Variants in JHY observed in about 807,000 individuals in gnomAD.
JHY encodes junctional cadherin complex regulator.
Under a neutral mutation model 78.0 loss-of-function variants are expected in JHY, and 69 were observed. That is an observed-to-expected ratio of 0.88 (90% CI 0.73 to 1.08). The LOEUF is 1.08. Ranked by LOEUF, JHY falls within the 50% of genes least tolerant of loss-of-function variation. The pLI is 0.00. For missense variants in JHY, 944 were observed against 927.8 expected, an observed-to-expected ratio of 1.02 and a Z score of -0.23; for synonymous variants, 368 against 342.6, an observed-to-expected ratio of 1.07 and a Z score of -0.82.
chr11:122,892,881 T>C (rs895976348), intron 2 of JHY, among the ~76,000 whole-genome samples: 4 of 152,200 alleles, frequency 2.6e-5, no homozygotes, highest in Non-Finnish European at 5.9e-5. Flanking sequence ...ACTAGACTAC[T>C]GTGTCTCCAT....
At chr11:122,922,958 T>G (rs1407819022) in intron 3 of JHY, among the ~76,000 whole-genome samples, 3 of 152,116 alleles carry the variant, frequency 2.0e-5, no homozygotes, top group Admixed American at 1.3e-4. Flanking sequence ...AAAACGCATG[T>G]AAAGTCCTAA....
intron 6 of JHY, among the ~76,000 whole-genome samples, chr11:122,948,266 A>C (rs1864007707): frequency 6.6e-6 from 1 of 151,902 alleles, no homozygotes. Flanking sequence ...CAACATGGTG[A>C]AACTCCGTCT....
chr11:122,908,801 C>T (rs916528285), intron 3 of JHY, among the ~76,000 whole-genome samples: 8 of 152,124 alleles, frequency 5.3e-5, no homozygotes, highest in African/African-American at 1.4e-4. Context: ...CAGGTTCAAG[C>T]GATTCTCCTG....
At chr11:122,947,457 G>A (rs1863990325) in intron 6 of JHY, 1 of 152,142 alleles carries the variant, frequency 6.6e-6, no homozygotes, top group African/African-American at 2.4e-5. Context: ...AAGTAAAATT[G>A]GGGACCCAAA....
In JHY at chr11:122,934,659, T is replaced by C. The variant is rs1863711541; in HGVS notation, c.1218T>C (p.Asp406=). The change falls in exon 5 of 9, where the codon GAT becomes GAC. Residue 406 remains aspartate, a synonymous_variant. Coordinates refer to ENST00000227349, the MANE Select transcript of JHY (RefSeq NM_024806.4). ...RQQQNQNKPL[D]TSTKPESIVI... ...AACAAAACCAAAATAAGCCTCTTGATACTTCAACAAAGCCTGAATCGATTG... is the reference window on the plus strand; with the variant it reads ...AACAAAACCAAAATAAGCCTCTTGACACTTCAACAAAGCCTGAATCGATTG... 2 of 1,614,176 alleles carry C rather than the reference T, an allele frequency of 1.2e-6. No individual in the cohort carries two copies. Among genetic ancestry groups the C allele is most frequent in the South Asian group, 1.1e-5 (1 of 91,088 alleles).
At chr11:122,901,718 A>G (rs918264515) in intron 2 of JHY, among the ~76,000 whole-genome samples, 1 of 151,604 alleles carries the variant, frequency 6.6e-6, no homozygotes, top group Non-Finnish European at 1.5e-5. Context: ...CTAAAAATAC[A>G]AAAAATTAGC....
At chr11:122,951,380 T>C (rs1342009053) in intron 6 of JHY, among the ~76,000 whole-genome samples, 1 of 152,214 alleles carries the variant, frequency 6.6e-6, no homozygotes, top group Non-Finnish European at 1.5e-5. Flanking sequence ...TGAGCTGAAG[T>C]AATTAACTCA....
intron 3 of JHY, among the ~76,000 whole-genome samples, chr11:122,919,375 A>AAG (rs1863307468): frequency 6.9e-6 from 1 of 144,864 alleles, no homozygotes; most frequent in African/African-American, 2.7e-5. Flanking sequence ...AAAAAAAAAA[A>AAG]AGAAGTGAAG....
chr11:122,900,560 A>G lies in JHY; in HGVS notation c.345-3365A>G, dbSNP rs114471138. ...GGTTAAGACTGGGGGTGCTTTACAA[A>G]TTGAGATTGTCATGGGGAAAAGGGA... On this transcript the variant is annotated intron_variant, in intron 2 of 8. Transcript: ENST00000227349. 1.9e-3 allele frequency among the ~76,000 whole-genome samples: 268 copies of G among 141,936 alleles called. 3 individuals carry two copies. The highest frequency in any genetic ancestry group is 6.9e-3 in the African/African-American group (254 of 36,850). The allele number at this position is 141,936 out of a possible 152,430, so 93.1% of individuals were successfully genotyped here.
chr11:122,894,267 G>A (rs367858442), intron 2 of JHY, among the ~76,000 whole-genome samples: 41 of 151,806 alleles, frequency 2.7e-4, no homozygotes, highest in African/African-American at 9.2e-4. Context: ...AGATCACGCC[G>A]TTGCACTCCA....
At chr11:122,919,840 A>C (rs1279164140) in intron 3 of JHY, among the ~76,000 whole-genome samples, 2 of 152,164 alleles carry the variant, frequency 1.3e-5, no homozygotes, top group Non-Finnish European at 2.9e-5. Context: ...ATAAAAAAAA[A>C]CGTTTCAGTG....
intron 5 of JHY, among the ~76,000 whole-genome samples, chr11:122,938,022 G>A (rs1863793945): frequency 6.6e-6 from 1 of 151,574 alleles, no homozygotes; most frequent in South Asian, 2.1e-4. Context: ...TTTTTTTGTT[G>A]TTGTTTTTTG....
At chr11:122,887,622 A>ATT (rs573244822) in intron 2 of JHY, among the ~76,000 whole-genome samples, 3 of 144,238 alleles carry the variant, frequency 2.1e-5, no homozygotes, top group African/African-American at 2.5e-5. Context: ...TGCCCGGCCG[A>ATT]TTTTTTTTTT....
In JHY at chr11:122,934,863, C is replaced by G; in HGVS notation, c.1422C>G (p.Asp474Glu). 6.2e-7 allele frequency: 1 copy of G among 1,613,874 alleles called. No homozygotes were observed. Among genetic ancestry groups the G allele is most frequent in the Non-Finnish European group, 8.5e-7 (1 of 1,179,950 alleles). ...LNVNKERGHKDQEEKRFSYQQ... is the reference protein window; with the variant it reads ...LNVNKERGHKEQEEKRFSYQQ... ...TTAATAAAGAAAGAGGACACAAAGA[C>G]CAAGAAGAGAAAAGATTTTCATATC... The change falls in exon 5 of 9, where the codon GAC (aspartate) becomes GAG (glutamate). Residue 474 changes from aspartate (D) to glutamate (E), a missense_variant. By Grantham distance (45) the Asp-to-Glu change is conservative (BLOSUM62 2). Coordinates refer to ENST00000227349, the MANE Select transcript of JHY (RefSeq NM_024806.4).
chr11:122,956,161 A>AT (rs1170469658), intron 6 of JHY, among the ~76,000 whole-genome samples: 6 of 152,014 alleles, frequency 3.9e-5, no homozygotes, highest in Non-Finnish European at 7.4e-5. Flanking sequence ...ATCTCCAAAA[A>AT]AAAAAAAATA....
chr11:122,957,464 A>G lies in JHY; in HGVS notation c.2112A>G (p.Gln704=). The G allele has an allele frequency of 1.3e-6, 2 of 1,539,650 alleles. No homozygotes were observed. Among genetic ancestry groups the G allele is most frequent in the Middle Eastern group, 1.7e-4 (1 of 5,918 alleles). ...CAAAACCACAAACAGAAAAAACTCAAAAGAAATCTGCTATCCCTCGGCAGA... is the reference window on the plus strand; with the variant it reads ...CAAAACCACAAACAGAAAAAACTCAGAAGAAATCTGCTATCCCTCGGCAGA... ...ILSKPQTEKT[Q]KKSAIPRQKA... Residue 704 remains glutamine (Q), a synonymous_variant, in exon 8 of 9, where the codon CAA becomes CAG. Coordinates refer to ENST00000227349, the MANE Select transcript of JHY (RefSeq NM_024806.4).
At chr11:122,942,699 C>T (rs916079673) in intron 5 of JHY, among the ~76,000 whole-genome samples, 3 of 152,204 alleles carry the variant, frequency 2.0e-5, no homozygotes, top group Admixed American at 6.5e-5. Flanking sequence ...GCTCAGATTA[C>T]AGGCATGAGC....
At chr11:122,894,002 A>G (rs905780890) in intron 2 of JHY, among the ~76,000 whole-genome samples, 1 of 151,258 alleles carries the variant, frequency 6.6e-6, no homozygotes, top group African/African-American at 2.4e-5. Flanking sequence ...TACAATTTTA[A>G]TGCTGCTAAA....
At chr11:122,926,992 G>A (rs1863522561) in intron 4 of JHY, 1 of 152,218 alleles carries the variant, frequency 6.6e-6, no homozygotes, top group Non-Finnish European at 1.5e-5. Flanking sequence ...ACTAAGGAAA[G>A]CCATAGGATT....
Sources: gnomAD v4.1 joint callset for allele counts (sites outside exome capture counted in the v4.1 genomes callset) on GRCh38, gnomAD v4.1.1 for gene constraint, MANE v1.5 for transcripts, NCBI Gene and HGNC (gene_info 2026-07-23, HGNC 2026-07-21) for gene names.